MAN1A1: variants seen among roughly 807,000 people sequenced by gnomAD.
MAN1A1 encodes mannosidase alpha class 1A member 1, also known as mannosyl-oligosaccharide 1,2-alpha-mannosidase IA.
A neutral mutation model predicts 70.8 loss-of-function variants in MAN1A1; 29 were observed. The observed-to-expected ratio is 0.41, with a 90% CI of 0.31 to 0.56. MAN1A1 has a LOEUF of 0.56. Among genes scored for constraint, MAN1A1 ranks in the 20% least tolerant of loss-of-function variants. The pLI, the probability that MAN1A1 is intolerant of heterozygous loss-of-function variation, is 0.29. For missense variants in MAN1A1, 747 were observed against 841.3 expected (o/e 0.89, Z 1.39); for synonymous variants, 349 against 330.1 (o/e 1.06, Z -0.62).
At chr6:119,186,202 C>G (rs1220900906) in intron 11 of MAN1A1, among the ~76,000 whole-genome samples, 1 of 152,078 alleles carries the variant, frequency 6.6e-6, no homozygotes, top group Non-Finnish European at 1.5e-5. Context: ...GTGATACATT[C>G]CCCTTTGCTG....
At chr6:119,331,191 C>T (rs768128773) in intron 2 of MAN1A1, among the ~76,000 whole-genome samples, 4 of 152,040 alleles carry the variant, frequency 2.6e-5, no homozygotes, top group Non-Finnish European at 5.9e-5. Context: ...TTAAACAGAG[C>T]CTTTGTTGTC....
At chr6:119,245,715 G>A (rs905105557) in intron 6 of MAN1A1, among the ~76,000 whole-genome samples, 5 of 152,096 alleles carry the variant, frequency 3.3e-5, no homozygotes, top group Admixed American at 1.3e-4. Flanking sequence ...ATTCATGCAT[G>A]TTGCCAAGAA....
In MAN1A1 at chr6:119,349,677, C is replaced by G; in HGVS notation, c.-358G>C. 1.0e-6 allele frequency: 1 copy of G among 985,886 alleles called. No homozygotes were observed. Among genetic ancestry groups the G allele is most frequent in the Non-Finnish European group, 1.2e-6 (1 of 830,028 alleles). 61.1% of individuals were successfully genotyped at this position (985,886 alleles called of 1,614,324 possible). Reference sequence around the variant, plus strand: ...CCACGGTCCCGCAGCCCCGGCGCGGCTCAGGTGGGCGAGCGCGCCGACCTG... The same window carrying G: ...CCACGGTCCCGCAGCCCCGGCGCGGGTCAGGTGGGCGAGCGCGCCGACCTG... On this transcript the variant is annotated 5_prime_UTR_variant, in exon 1 of 13. Transcript: ENST00000368468.
chr6:119,296,766 A>G (rs982672211), intron 4 of MAN1A1, among the ~76,000 whole-genome samples: 5 of 152,298 alleles, frequency 3.3e-5, no homozygotes, highest in Middle Eastern at 3.4e-3. Context: ...TCCAAAACAC[A>G]AAGTGTTCAT....
At chr6:119,180,021 C>T (rs1773108036) in intron 12 of MAN1A1, 76 bp from the exon 13 acceptor site, 2 of 1,432,712 alleles carry the variant, frequency 1.4e-6, no homozygotes, top group Non-Finnish European at 9.8e-7. Context: ...CAGCAAAAAC[C>T]ACATCAATGT....
chr6:119,254,458 C>A (rs1775408089), intron 5 of MAN1A1, among the ~76,000 whole-genome samples: 1 of 152,094 alleles, frequency 6.6e-6, no homozygotes, highest in African/African-American at 2.4e-5. Flanking sequence ...TAAAATGTGA[C>A]TGGGAAAAAA....
chr6:119,190,494 A>G (rs1773414570), intron 9 of MAN1A1, among the ~76,000 whole-genome samples: 1 of 152,342 alleles, frequency 6.6e-6, no homozygotes, highest in Middle Eastern at 3.4e-3. Context: ...AATGGGAACA[A>G]CAGGATCTCC....
chr6:119,320,770 G>A (rs1249851458), intron 2 of MAN1A1, among the ~76,000 whole-genome samples: 1 of 152,074 alleles, frequency 6.6e-6, no homozygotes, highest in African/African-American at 2.4e-5. Context: ...AATTATTCAA[G>A]TAAATATTGT....
At chr6:119,212,609 A>G (rs886487563) in intron 6 of MAN1A1, among the ~76,000 whole-genome samples, 5 of 152,194 alleles carry the variant, frequency 3.3e-5, no homozygotes, top group African/African-American at 1.2e-4. Context: ...TGGGGTCTCA[A>G]TTGCAACTCA....
At chr6:119,214,318 G>T (rs1298576882) in intron 6 of MAN1A1, among the ~76,000 whole-genome samples, 1 of 152,028 alleles carries the variant, frequency 6.6e-6, no homozygotes, top group African/African-American at 2.4e-5. Flanking sequence ...TTCATGCTCT[G>T]AACTTCTGGT....
At chr6:119,251,859 C>T (rs994134848) in intron 5 of MAN1A1, among the ~76,000 whole-genome samples, 1 of 152,202 alleles carries the variant, frequency 6.6e-6, no homozygotes, top group African/African-American at 2.4e-5. Context: ...GGCCCCTTCC[C>T]ATATCGGGGT....
At chr6:119,334,156 G>A (rs1161902231) in intron 2 of MAN1A1, among the ~76,000 whole-genome samples, 2 of 152,154 alleles carry the variant, frequency 1.3e-5, no homozygotes, top group South Asian at 2.1e-4. Context: ...GGTATGGGAA[G>A]TAAACAGAAA....
At chr6:119,182,595 AGGAAAGT>A (rs1019539073) in intron 11 of MAN1A1, among the ~76,000 whole-genome samples, 2 of 151,044 alleles carry the variant, frequency 1.3e-5, no homozygotes, top group Non-Finnish European at 2.9e-5. Flanking sequence ...ATTCATCTCT[AGGAAAGT>A]TATTTTCTGC....
At position 119,179,748 on chromosome 6, in the gene MAN1A1, G is replaced by C; in HGVS notation, c.*71C>G. On this transcript the variant is annotated 3_prime_UTR_variant, in exon 13 of 13. Transcript: ENST00000368468. ...ACTAATCAAAGTTCATCATGTGCCTGATTACCAGAAAAGGAATTATTAAGG... is the reference window on the plus strand; with the variant it reads ...ACTAATCAAAGTTCATCATGTGCCTCATTACCAGAAAAGGAATTATTAAGG... 7.0e-7 allele frequency: 1 copy of C among 1,419,250 alleles called. No individual in the cohort carries two copies. Among genetic ancestry groups the C allele is most frequent in the Non-Finnish European group, 9.8e-7 (1 of 1,023,740 alleles). 87.9% of individuals were successfully genotyped at this position (1,419,250 alleles called of 1,614,324 possible).
intron 2 of MAN1A1, among the ~76,000 whole-genome samples, chr6:119,312,042 C>T (rs1329520669): frequency 6.6e-6 from 1 of 152,102 alleles, no homozygotes; most frequent in East Asian, 1.9e-4. Flanking sequence ...ATGTTTGGCT[C>T]ACTTATATAA....
At chr6:119,201,225 G>A in intron 8 of MAN1A1, 29 bp downstream of exon 8, 1 of 1,488,988 alleles carries the variant, frequency 6.7e-7, no homozygotes, top group Non-Finnish European at 9.4e-7. Flanking sequence ...ACCAAAAAGA[G>A]CTATAATAAT....
chr6:119,337,560 C>T (rs1150133), intron 2 of MAN1A1, among the ~76,000 whole-genome samples: 3,604 of 152,292 alleles, frequency 0.024, 142 homozygotes, highest in African/African-American at 0.082. Flanking sequence ...GGACGGACGA[C>T]TGCAAAGAGC....
chr6:119,336,750 G>A (rs950833830), intron 2 of MAN1A1, among the ~76,000 whole-genome samples: 3 of 152,216 alleles, frequency 2.0e-5, no homozygotes, highest in East Asian at 1.9e-4. Context: ...TCATTTTAGT[G>A]TGGTACTGTA....
chr6:119,270,140 C>T (rs771924408), intron 5 of MAN1A1, among the ~76,000 whole-genome samples: 70 of 152,284 alleles, frequency 4.6e-4, no homozygotes, highest in Non-Finnish European at 7.9e-4. Context: ...ATATTTCAGA[C>T]TAATCTTGTA....
Sources: gnomAD v4.1 joint callset for allele counts (sites outside exome capture counted in the v4.1 genomes callset) on GRCh38, gnomAD v4.1.1 for gene constraint, MANE v1.5 for transcripts, NCBI Gene and HGNC (gene_info 2026-07-23, HGNC 2026-07-21) for gene names.